Variants in PELP1 observed in about 807,000 individuals in gnomAD.
PELP1 encodes the protein proline-, glutamic acid- and leucine-rich protein 1.
In PELP1, 32 loss-of-function variants were observed where a neutral mutation model predicts 95.5. The ratio of observed to expected loss-of-function variants is 0.34; its 90% CI spans 0.25 to 0.45. PELP1 has a LOEUF of 0.45. PELP1 is among the 20% of genes least tolerant of loss of function. PELP1 has a pLI of 1.00. For missense variants in PELP1, 1,358 were observed against 1,444.8 expected, an observed-to-expected ratio of 0.94 and a Z score of 0.97; for synonymous variants, 668 against 600.1, an observed-to-expected ratio of 1.11 and a Z score of -1.65.
In PELP1 at chr17:4,673,878, G is replaced by A; in HGVS notation, c.1583-204C>T. The A allele has an allele frequency of 1.8e-6, 1 of 551,546 alleles. No individual in the cohort carries two copies. Among genetic ancestry groups the A allele is most frequent in the Non-Finnish European group, 3.3e-6 (1 of 307,646 alleles). The allele number at this position is 551,546 out of a possible 1,614,324, so 34.2% of individuals were successfully genotyped here. A position where few individuals can be genotyped will look rare whatever the true frequency, so the allele number is the denominator to read the frequency against. On this transcript the variant is annotated intron_variant, in intron 13 of 16. Coordinates refer to ENST00000572293, the MANE Select transcript of PELP1 (RefSeq NM_014389.3). The surrounding 1 kb of genome is among the most constrained non-coding windows in gnomAD (Gnocchi z 5.7). ...ACGGTATTTAATTGAGACAATGTAAGTAAAAAATTATAAATTTTATAATTT... is the reference window on the plus strand; with the variant it reads ...ACGGTATTTAATTGAGACAATGTAAATAAAAAATTATAAATTTTATAATTT...
chr17:4,676,690 G>C (rs1015274812), intron 6 of PELP1, 63 bp downstream of exon 6: 17 of 1,440,012 alleles, frequency 1.2e-5, no homozygotes, highest in Middle Eastern at 1.8e-4. Context: ...GCTAGAGGAG[G>C]AGCAGCAAGA....
chr17:4,702,022 T>C (rs1231716250), intron 1 of PELP1, among the ~76,000 whole-genome samples: 1 of 152,188 alleles, frequency 6.6e-6, no homozygotes, highest in East Asian at 1.9e-4. Context: ...GTTAAGTTCA[T>C]GTAGTTGACT....
At position 4,676,022 on chromosome 17, in the gene PELP1, A is replaced by G; in HGVS notation, c.980+14T>C. 1 of 1,613,492 alleles carries G rather than the reference A, an allele frequency of 6.2e-7. No homozygotes were observed. The highest frequency in any genetic ancestry group is 8.5e-7 in the Non-Finnish European group (1 of 1,179,694). On this transcript the variant is annotated intron_variant, in intron 8 of 16. Transcript: ENST00000572293. ...CTGCTCCACGCCTCCGCTCCCTCCA[A>G]TACCCACACACACCTGAGCATGAGC...
At chr17:4,703,399 T>C (rs1357203583) in intron 1 of PELP1, among the ~76,000 whole-genome samples, 1 of 152,192 alleles carries the variant, frequency 6.6e-6, no homozygotes, top group East Asian at 1.9e-4. Flanking sequence ...CCCCTGATAT[T>C]CAATTCTCAT....
Position 4,672,837 on chromosome 17 carries a change from A to G in PELP1, c.2154T>C (p.Ser718=). The G allele has an allele frequency of 6.2e-7, 1 of 1,613,932 alleles. No homozygotes were observed. Among genetic ancestry groups the G allele is most frequent in the East Asian group, 2.2e-5 (1 of 44,874 alleles). ...HLGLSVPGLV[S]VPPRLLPGPE... ...GGCCAGGAAGAAGCCGGGGAGGGAC[A>G]GACACTAGGCCTGGGACAGAAAGGC... The change falls in exon 16 of 17, where the codon TCT becomes TCC. Residue 718 remains serine (S), a synonymous_variant. Transcript: ENST00000572293.
At chr17:4,690,115 G>A (rs905951407) in intron 3 of PELP1, among the ~76,000 whole-genome samples, 5 of 152,070 alleles carry the variant, frequency 3.3e-5, no homozygotes, top group African/African-American at 9.7e-5. Context: ...CAAAATAATG[G>A]CATTCGCAGC....
rs745702728 is a variant in PELP1 at position 4,676,091 on chromosome 17, G to A, written c.925C>T (p.Leu309Phe). ...SSEDGDAHVL[L>F]QLRQRFSGLA... is the part of the protein sequence containing the mutation. The stretch of plus-strand genomic sequence containing the variant: ...CCCGAAAACCTCTGCCGAAGCTGGA[G>A]AAGGACATGGGCATCACCATCTTCT... Residue 309 changes from leucine (L) to phenylalanine (F), a missense_variant, in exon 8 of 17, where the codon CTC becomes TTC. By Grantham distance (22) the Leu-to-Phe change is conservative (BLOSUM62 0). Transcript: ENST00000572293. The A allele has an allele frequency of 1.2e-6, 2 of 1,613,856 alleles. No individual in the cohort carries two copies. The highest frequency in any genetic ancestry group is 1.3e-5 in the African/African-American group (1 of 74,920).
chr17:4,672,315 TTCC>T lies in PELP1; in HGVS notation c.2673_2675del (p.Glu908del), dbSNP rs750526681. ...CTTCTTCTTCTTCCTCTTCTTCCTC[TTCC>T]TCCTCCTCTTCATCACTGCTGTTGA... On this transcript the variant is annotated inframe_deletion, in exon 16 of 17. Coordinates refer to ENST00000572293, the MANE Select transcript of PELP1 (RefSeq NM_014389.3). 3.4e-5 allele frequency: 53 copies of T among 1,553,180 alleles called. No individual in the cohort carries two copies. The highest frequency in any genetic ancestry group is 9.5e-5 in the South Asian group (8 of 84,110).
In PELP1 at chr17:4,684,474, A is replaced by AT. The variant is rs577941994; in HGVS notation, c.421-1523dup. ...TCGCTTCCCACTCCCAAACTTCGAA[A>AT]TTTCATCTTCATCCTACCCACCCTC... On this transcript the variant is annotated intron_variant, in intron 3 of 16. Transcript: ENST00000572293. Among the ~76,000 whole-genome samples the AT allele has an allele frequency of 4.6e-5, 7 of 152,096 alleles. No individual in the cohort carries two copies. In the East Asian group the frequency reaches 1.2e-3, roughly 25 times the overall value.
chr17:4,677,922 G>GA (rs928838650), intron 5 of PELP1, among the ~76,000 whole-genome samples: 48 of 129,042 alleles, frequency 3.7e-4, no homozygotes, highest in Non-Finnish European at 4.3e-4. Flanking sequence ...GTCTCAAAAA[G>GA]AAAAAAAAAA....
Position 4,691,538 on chromosome 17 carries a change from T to C in PELP1, c.250-96A>G, listed in dbSNP as rs745785039. 8.0e-4 allele frequency: 781 copies of C among 975,820 alleles called. 4 individuals carry two copies. The highest frequency in any genetic ancestry group is 1.1e-3 in the Non-Finnish European group (649 of 616,164). 60.4% of individuals were successfully genotyped at this position (975,820 alleles called of 1,614,324 possible). A position where few individuals can be genotyped will look rare whatever the true frequency, so the allele number is the denominator to read the frequency against. On this transcript the variant is annotated intron_variant, in intron 1 of 16. Coordinates refer to ENST00000572293, the MANE Select transcript of PELP1 (RefSeq NM_014389.3). ...TCTCTGTCCCAGCACCTATGAAGCC[T>C]TTCTGAAGTCACATCTCCTCTGAGG...
chr17:4,693,480 T>A (rs1913186185), intron 1 of PELP1, among the ~76,000 whole-genome samples: 1 of 152,198 alleles, frequency 6.6e-6, no homozygotes, highest in African/African-American at 2.4e-5. Flanking sequence ...CAGTAAGAGA[T>A]TAACAACCAC....
chr17:4,690,841 A>T (rs1180383500), intron 3 of PELP1, 47 bp downstream of exon 3: 1 of 1,174,116 alleles, frequency 8.5e-7, no homozygotes, highest in South Asian at 1.2e-5. Context: ...AAGATGGGGA[A>T]TAAGATGGGG....
rs1912744254 is a variant in PELP1, at chr17:4,682,911, G to A, written c.462C>T (p.Val154=). ...CTGCATATCGGAGGAGGTCCCTCAG[G>A]ACAGCCACGGCCAGCTCCATTGTGG... ...PPATMELAVA[V]LRDLLRYAAQ... Residue 154 remains valine, a synonymous_variant, in exon 4 of 17, where the codon GTC becomes GTT. Transcript: ENST00000572293. 6.4e-7 allele frequency: 1 copy of A among 1,573,768 alleles called. No homozygotes were observed. Among genetic ancestry groups the A allele is most frequent in the Non-Finnish European group, 8.6e-7 (1 of 1,162,928 alleles).
rs754898738 is a variant in PELP1, at chr17:4,672,264, G to GTCTTCCTCC, written c.2718_2726dup (p.Glu906_Glu908dup). The GTCTTCCTCC allele has an allele frequency of 4.5e-6, 7 of 1,551,040 alleles. No individual in the cohort carries two copies. The highest frequency in any genetic ancestry group is 6.1e-6 in the Non-Finnish European group (7 of 1,147,082). On this transcript the variant is annotated inframe_insertion, in exon 16 of 17. Coordinates refer to ENST00000572293, the MANE Select transcript of PELP1 (RefSeq NM_014389.3). ...CTTCATCCTCTTCCTCTTCCTCAAAGTCTTCCTCCTCTTCCTCTTCTTCCT... is the reference window on the plus strand; with the variant it reads ...CTTCATCCTCTTCCTCTTCCTCAAAGTCTTCCTCCTCTTCCTCCTCTTCCTCTTCTTCCT...
At chr17:4,686,372 T>C (rs1365257430) in intron 3 of PELP1, among the ~76,000 whole-genome samples, 1 of 152,164 alleles carries the variant, frequency 6.6e-6, no homozygotes, top group African/African-American at 2.4e-5. Context: ...ACCTGTATCG[T>C]TCTCATCAGT....
rs535197646 is a variant in PELP1 at position 4,682,302 on chromosome 17, G to A, written c.642+200C>T. Among the ~76,000 whole-genome samples, 3 of 152,324 alleles carry A rather than the reference G, an allele frequency of 2.0e-5. No individual in the cohort carries two copies. The East Asian group carries it at 5.8e-4, about 29-fold the overall frequency. On this transcript the variant is annotated intron_variant, in intron 5 of 16. Coordinates refer to ENST00000572293, the MANE Select transcript of PELP1 (RefSeq NM_014389.3). Reference sequence around the variant, plus strand: ...CAGGTTCCAGTGCCTGCTGATCTTAGCAAGTTCTTGATTCCAACTTCTTTG... The same window carrying A: ...CAGGTTCCAGTGCCTGCTGATCTTAACAAGTTCTTGATTCCAACTTCTTTG...
At chr17:4,682,639 C>G in intron 4 of PELP1, 66 bp from the exon 5 acceptor site, 2 of 1,471,176 alleles carry the variant, frequency 1.4e-6, no homozygotes, top group Non-Finnish European at 1.9e-6. Context: ...CCATCTCCCC[C>G]AGCACCCCAC....
At chr17:4,694,521 G>A (rs193107933) in intron 1 of PELP1, among the ~76,000 whole-genome samples, 2 of 44,168 alleles carry the variant, frequency 4.5e-5, no homozygotes, top group Admixed American at 2.3e-4. Flanking sequence ...TCAGCCAGGC[G>A]TGGTGGCAGG....
Sources: allele counts gnomAD v4.1 joint callset (sites outside exome capture counted in the v4.1 genomes callset), GRCh38; gene constraint gnomAD v4.1.1; non-coding constraint Gnocchi (gnomAD v3.1); transcripts MANE v1.5; gene names NCBI Gene and HGNC (gene_info 2026-07-23, HGNC 2026-07-21).